Variants in DLG1 observed in about 807,000 individuals in gnomAD.
The protein encoded by DLG1 is discs large MAGUK scaffold protein 1.
In DLG1, 42 loss-of-function variants were observed where a neutral mutation model predicts 123.4. That is an observed-to-expected ratio of 0.34 (90% CI 0.27 to 0.44). The LOEUF is 0.44. Ranked by LOEUF, DLG1 falls within the 20% of genes least tolerant of loss-of-function variation. DLG1 has a pLI of 1.00. For missense variants in DLG1, 942 were observed against 1,082.6 expected (o/e 0.87, Z 1.82); for synonymous variants, 317 against 356.2 (o/e 0.89, Z 1.24).
intron 5 of DLG1, among the ~76,000 whole-genome samples, chr3:197,165,659 C>G (rs1022884670): frequency 3.3e-5 from 5 of 152,124 alleles, no homozygotes; most frequent in Non-Finnish European, 7.4e-5. Context: ...TAATAACAAT[C>G]GTAACTGATA....
At chr3:197,227,420 A>C (rs1484120391) in intron 4 of DLG1, among the ~76,000 whole-genome samples, 1 of 152,124 alleles carries the variant, frequency 6.6e-6, no homozygotes, top group Non-Finnish European at 1.5e-5. Context: ...AGTTGCAGTG[A>C]ACCGAGATTG....
At chr3:197,091,525 C>G (rs920733865) in intron 14 of DLG1, among the ~76,000 whole-genome samples, 5 of 151,842 alleles carry the variant, frequency 3.3e-5, no homozygotes, top group African/African-American at 7.2e-5. Flanking sequence ...ATGCCTTAAA[C>G]AAGTGATAAA....
At chr3:197,224,888 G>A (rs1247494730) in intron 4 of DLG1, among the ~76,000 whole-genome samples, 1 of 152,184 alleles carries the variant, frequency 6.6e-6, no homozygotes, top group African/African-American at 2.4e-5. Flanking sequence ...CTCAAAATAA[G>A]TAATTATTCC....
At chr3:197,235,627 A>T (rs1745580791) in intron 4 of DLG1, among the ~76,000 whole-genome samples, 2 of 152,212 alleles carry the variant, frequency 1.3e-5, no homozygotes, top group South Asian at 4.1e-4. Flanking sequence ...AAAAGTCTTG[A>T]ACTGATCAAC....
At chr3:197,157,326 A>T (rs1445644495) in intron 5 of DLG1, among the ~76,000 whole-genome samples, 1 of 152,258 alleles carries the variant, frequency 6.6e-6, no homozygotes, top group South Asian at 2.1e-4. Flanking sequence ...CCAATTAAGC[A>T]AAGTAGCAGG....
chr3:197,063,636 A>T (rs1737387024), intron 22 of DLG1, among the ~76,000 whole-genome samples: 1 of 152,192 alleles, frequency 6.6e-6, no homozygotes, highest in Non-Finnish European at 1.5e-5. Context: ...CATTTAGATG[A>T]TTTTCAGTAT....
At chr3:197,273,526 C>T (rs1579141442) in intron 4 of DLG1, among the ~76,000 whole-genome samples, 1 of 152,232 alleles carries the variant, frequency 6.6e-6, no homozygotes, top group African/African-American at 2.4e-5. Context: ...GCGTGAGCCA[C>T]CGCACCCGGC....
At chr3:197,271,986 T>G (rs1225159701) in intron 4 of DLG1, among the ~76,000 whole-genome samples, 1 of 152,066 alleles carries the variant, frequency 6.6e-6, no homozygotes, top group East Asian at 1.9e-4. Context: ...ACCAGCGACT[T>G]TAGTTTATGG....
Position 197,205,678 on chromosome 3 carries a change from T to C in DLG1, c.319-11089A>G, listed in dbSNP as rs139407598. Among the ~76,000 whole-genome samples the C allele has an allele frequency of 2.6e-5, 4 of 152,338 alleles. No homozygotes were observed. In the East Asian group the frequency reaches 7.7e-4, roughly 29 times the overall value. On this transcript the variant is annotated intron_variant, in intron 4 of 24. Transcript: ENST00000667157. ...CGACATTACAATTAATGGTGAAATA[T>C]ACTCACTAAAACTGAGAACAAAACT... is the stretch of plus-strand genomic sequence containing the variant.
intron 4 of DLG1, among the ~76,000 whole-genome samples, chr3:197,246,860 G>A (rs1440926280): frequency 6.6e-6 from 1 of 152,164 alleles, no homozygotes; most frequent in African/African-American, 2.4e-5. Flanking sequence ...TCTTGGGCTG[G>A]AAATATTTGG....
chr3:197,295,491 A>AC (rs1476525394), intron 3 of DLG1, among the ~76,000 whole-genome samples: 1 of 152,142 alleles, frequency 6.6e-6, no homozygotes, highest in Non-Finnish European at 1.5e-5. Context: ...ACAAAAAAAA[A>AC]AAACTTCATT....
At chr3:197,085,904 A>T in intron 15 of DLG1, 148 bp from the exon 16 acceptor site, 2 of 602,928 alleles carry the variant, frequency 3.3e-6, no homozygotes, top group South Asian at 2.7e-5. Context: ...TGCATACAAG[A>T]TAAGACAAAA....
intron 5 of DLG1, among the ~76,000 whole-genome samples, chr3:197,151,725 C>T (rs779613626): frequency 3.9e-5 from 6 of 152,154 alleles, no homozygotes; most frequent in Non-Finnish European, 8.8e-5. Context: ...TTGTGAAATA[C>T]TCTGGGTCAG....
At chr3:197,110,028 T>C (rs928247415) in intron 13 of DLG1, among the ~76,000 whole-genome samples, 1 of 152,226 alleles carries the variant, frequency 6.6e-6, no homozygotes, top group Non-Finnish European at 1.5e-5. Flanking sequence ...TTAATGGTTT[T>C]AATCAAGTTC....
chr3:197,267,574 C>CTTTTCTTCG (rs397739803), intron 4 of DLG1, among the ~76,000 whole-genome samples: 1 of 151,604 alleles, frequency 6.6e-6, no homozygotes, highest in Admixed American at 6.6e-5. Flanking sequence ...TTTTTTCTTC[C>CTTTTCTTCG]CATTCCCAAT....
chr3:197,249,401 TAA>T (rs1465538198), intron 4 of DLG1, among the ~76,000 whole-genome samples: 1 of 151,904 alleles, frequency 6.6e-6, no homozygotes, highest in Non-Finnish European at 1.5e-5. Context: ...GAAGCCATAA[TAA>T]AGTCTCCCAT....
chr3:197,047,585 G>C (rs1029977667), intron 24 of DLG1, among the ~76,000 whole-genome samples: 43 of 151,442 alleles, frequency 2.8e-4, no homozygotes, highest in African/African-American at 8.5e-4. Flanking sequence ...TTGGGGAGTT[G>C]CTACCTACTT....
chr3:197,063,811 C>A (rs562774240), intron 22 of DLG1, among the ~76,000 whole-genome samples: 1 of 152,128 alleles, frequency 6.6e-6, no homozygotes, highest in Admixed American at 6.5e-5. Context: ...TACCAGTTTG[C>A]ATTTCCACCA....
intron 12 of DLG1, among the ~76,000 whole-genome samples, chr3:197,118,119 C>T (rs1261992977): frequency 2.0e-5 from 3 of 152,012 alleles, no homozygotes; most frequent in Non-Finnish European, 2.9e-5. Context: ...ACTTAAAAGT[C>T]CAATGCAATA....
Sources: allele counts gnomAD v4.1 joint callset (sites outside exome capture counted in the v4.1 genomes callset), GRCh38; gene constraint gnomAD v4.1.1; transcripts MANE v1.5; gene names NCBI Gene and HGNC (gene_info 2026-07-23, HGNC 2026-07-21).